Variants in CFAP58 observed in about 807,000 individuals in gnomAD.
CFAP58 encodes cilia and flagella associated protein 58, also known as cilia- and flagella-associated protein 58.
A neutral mutation model predicts 119.5 loss-of-function variants in CFAP58; 88 were observed. The observed-to-expected ratio is 0.74, with a 90% CI of 0.62 to 0.88. The LOEUF (loss-of-function observed/expected upper bound fraction) is 0.88. CFAP58 is among the 40% of genes least tolerant of loss of function. The pLI is 0.00. For synonymous variants in CFAP58, 365 were observed against 366.3 expected, an observed-to-expected ratio of 1.00 and a Z score of 0.04; for missense variants, 990 against 1,021.2, an observed-to-expected ratio of 0.97 and a Z score of 0.42.
At chr10:104,370,161 A>C (rs1160072645) in intron 6 of CFAP58, among the ~76,000 whole-genome samples, 1 of 152,186 alleles carries the variant, frequency 6.6e-6, no homozygotes, top group Non-Finnish European at 1.5e-5. Flanking sequence ...ACCATCTGAG[A>C]GAGATCACTT....
chr10:104,340,956 G>T, the CFAP58 span, among the ~76,000 whole-genome samples: 1 of 152,114 alleles, frequency 6.6e-6, no homozygotes, highest in Non-Finnish European at 1.5e-5. Context: ...GGTTTATCCC[G>T]GCCCTGGATG....
chr10:104,442,575 G>A (rs1488631518), intron 15 of CFAP58, among the ~76,000 whole-genome samples: 1 of 146,400 alleles, frequency 6.8e-6, no homozygotes, highest in African/African-American at 2.5e-5. Context: ...GTGAGAGAGT[G>A]AGACTCCATT....
At chr10:104,404,576 A>G (rs1014673536) in intron 14 of CFAP58, among the ~76,000 whole-genome samples, 8 of 152,198 alleles carry the variant, frequency 5.3e-5, no homozygotes, top group South Asian at 2.1e-4. Context: ...GGGCAGGTAT[A>G]AGAAAGAAAA....
At chr10:104,440,299 C>A (rs1169632149) in intron 15 of CFAP58, among the ~76,000 whole-genome samples, 2 of 151,718 alleles carry the variant, frequency 1.3e-5, no homozygotes, top group Non-Finnish European at 2.9e-5. Flanking sequence ...CTCTATTCAC[C>A]AAGAATAGGA....
At chr10:104,381,261 A>C (rs868385035) in intron 9 of CFAP58, among the ~76,000 whole-genome samples, 1 of 152,344 alleles carries the variant, frequency 6.6e-6, no homozygotes, top group South Asian at 2.1e-4. Context: ...TGCTTAGGAG[A>C]GAGAAGGCTC....
chr10:104,417,815 A>G (rs2012577221), intron 15 of CFAP58, among the ~76,000 whole-genome samples: 1 of 152,182 alleles, frequency 6.6e-6, no homozygotes. Flanking sequence ...TTCACAGAGA[A>G]GGGAACTGAA....
At chr10:104,409,252 A>G (rs1356539556) in intron 15 of CFAP58, among the ~76,000 whole-genome samples, 2 of 152,210 alleles carry the variant, frequency 1.3e-5, no homozygotes, top group African/African-American at 4.8e-5. Flanking sequence ...ATTAGGAGAT[A>G]TTTTATAATA....
chr10:104,379,446 G>A (rs2011736923), intron 8 of CFAP58, among the ~76,000 whole-genome samples: 1 of 152,040 alleles, frequency 6.6e-6, no homozygotes, highest in Admixed American at 6.6e-5. Context: ...CTATCTTTTG[G>A]CTTTTGTGAA....
In CFAP58 at chr10:104,365,893, A is replaced by C. The variant is rs1200260955; in HGVS notation, c.677A>C (p.Lys226Thr). 3 of 1,613,554 alleles carry C rather than the reference A, an allele frequency of 1.9e-6. No homozygotes were observed. The African/African-American group carries it at 4.0e-5, about 22-fold the overall frequency. The change falls in exon 5 of 18, where the codon AAG becomes ACG. Residue 226 changes from lysine to threonine, a missense_variant. Transcript: ENST00000369704. ...AAGGAAAAACTAGAGAAAGAGCTCA[A>C]GCAGATTCAGGCAGACATGGACAGC... ...RKKEKLEKEL[K>T]QIQADMDSRQ...
chr10:104,454,204 A>G (rs2013240147), intron 17 of CFAP58, among the ~76,000 whole-genome samples: 1 of 152,218 alleles, frequency 6.6e-6, no homozygotes, highest in Non-Finnish European at 1.5e-5. Flanking sequence ...TTCATATTTA[A>G]ATAAACATTA....
intron 13 of CFAP58, among the ~76,000 whole-genome samples, chr10:104,401,613 T>C (rs924069204): frequency 4.6e-5 from 7 of 152,232 alleles, no homozygotes; most frequent in African/African-American, 1.7e-4. Flanking sequence ...AGATGAACAG[T>C]ATCCTTGACC....
chr10:104,429,877 T>TA (rs1273609326), intron 15 of CFAP58, among the ~76,000 whole-genome samples: 2 of 151,826 alleles, frequency 1.3e-5, no homozygotes, highest in Non-Finnish European at 2.9e-5. Context: ...ACTCATTTTT[T>TA]TTTTTTCCCA....
At chr10:104,383,342 G>C (rs2133017528) in intron 9 of CFAP58, among the ~76,000 whole-genome samples, 1 of 152,140 alleles carries the variant, frequency 6.6e-6, no homozygotes, top group South Asian at 2.1e-4. Context: ...TGGGGGCAAG[G>C]ACTTTATTTC....
At chr10:104,450,263 A>G in intron 17 of CFAP58, 59 bp downstream of exon 17, 1 of 1,572,282 alleles carries the variant, frequency 6.4e-7, no homozygotes, top group East Asian at 2.2e-5. Context: ...ATAAGAAAAT[A>G]TTTGGTGAAC....
intron 14 of CFAP58, among the ~76,000 whole-genome samples, chr10:104,406,181 C>G (rs1488739615): frequency 6.6e-6 from 1 of 152,222 alleles, no homozygotes; most frequent in East Asian, 1.9e-4. Flanking sequence ...GAATTGAGAA[C>G]TATGCCTTTG....
chr10:104,382,393 A>T lies in CFAP58; in HGVS notation c.1365+2173A>T, dbSNP rs2011829509. On this transcript the variant is annotated intron_variant, in intron 9 of 17. Coordinates refer to ENST00000369704, the MANE Select transcript of CFAP58 (RefSeq NM_001008723.2). Reference sequence around the variant, plus strand: ...CAGCCTCCAGTTTCTTCTTCCTGATAAGCAATTTCTCTCCATTCCGAGGTG... The same window carrying T: ...CAGCCTCCAGTTTCTTCTTCCTGATTAGCAATTTCTCTCCATTCCGAGGTG... 2.1e-5 allele frequency: 11 copies of T among 525,344 alleles called. No homozygotes were observed. The South Asian group carries it at 3.0e-4, about 14-fold the overall frequency. 32.5% of individuals were successfully genotyped at this position (525,344 alleles called of 1,614,324 possible).
intron 15 of CFAP58, among the ~76,000 whole-genome samples, chr10:104,426,915 A>G (rs758783024): frequency 1.4e-4 from 22 of 151,988 alleles, no homozygotes; most frequent in Non-Finnish European, 2.8e-4. Context: ...TTATTTCCTC[A>G]CTTATTGCTT....
At chr10:104,401,119 C>CG (rs899368185) in intron 13 of CFAP58, among the ~76,000 whole-genome samples, 5 of 152,010 alleles carry the variant, frequency 3.3e-5, no homozygotes, top group South Asian at 2.1e-4. Flanking sequence ...AGCTTCCTTT[C>CG]GGGGGGGTAA....
chr10:104,342,666 C>CAAAAAAAA, the CFAP58 span, among the ~76,000 whole-genome samples: 165 of 89,536 alleles, frequency 1.8e-3, no homozygotes, highest in East Asian at 3.3e-3. Context: ...CCCGTCTATA[C>CAAAAAAAA]AAAAAAAAAA....
Sources: gnomAD v4.1 joint callset for allele counts (sites outside exome capture counted in the v4.1 genomes callset) on GRCh38, gnomAD v4.1.1 for gene constraint, MANE v1.5 for transcripts, NCBI Gene and HGNC (gene_info 2026-07-23, HGNC 2026-07-21) for gene names.